ROBO1: variants seen among roughly 807,000 people sequenced by gnomAD.
The protein encoded by ROBO1 is roundabout guidance receptor 1.
A neutral mutation model predicts 195.9 loss-of-function variants in ROBO1; 149 were observed. The observed-to-expected ratio is 0.76, with a 90% CI of 0.67 to 0.87. The LOEUF (loss-of-function observed/expected upper bound fraction) is 0.87, where lower values mean the gene tolerates loss of function less well. ROBO1 is among the 40% of genes least tolerant of loss of function. The pLI, the probability that ROBO1 is intolerant of heterozygous loss-of-function variation, is 0.00. For missense variants in ROBO1, 1,933 were observed against 2,068.3 expected, an observed-to-expected ratio of 0.93 and a Z score of 1.27; for synonymous variants, 816 against 733.2, an observed-to-expected ratio of 1.11 and a Z score of -1.82.
At chr3:78,605,691 G>A (rs1296990677) in intron 29 of ROBO1, among the ~76,000 whole-genome samples, 1 of 151,936 alleles carries the variant, frequency 6.6e-6, no homozygotes, top group Non-Finnish European at 1.5e-5. Context: ...TGTTCTTGTT[G>A]GCATTTTAAT....
chr3:79,262,497 A>G (rs1266537946), intron 2 of ROBO1, among the ~76,000 whole-genome samples: 2 of 152,050 alleles, frequency 1.3e-5, no homozygotes, highest in East Asian at 3.9e-4. Flanking sequence ...TTTTGATACT[A>G]TCTGTTACTG....
chr3:79,703,065 A>G (rs1433375181), intron 1 of ROBO1, among the ~76,000 whole-genome samples: 1 of 151,968 alleles, frequency 6.6e-6, no homozygotes, highest in East Asian at 1.9e-4. Context: ...AGAAAAGAAG[A>G]GAAAACAGAA....
chr3:78,617,606 C>T, intron 27 of ROBO1, 29 bp downstream of exon 27: 2 of 1,564,238 alleles, frequency 1.3e-6, no homozygotes, highest in Non-Finnish European at 1.7e-6. Context: ...GTTTTCTTTC[C>T]CAGCTTGGTG....
chr3:78,961,176 C>T (rs1288789185), intron 3 of ROBO1, among the ~76,000 whole-genome samples: 3 of 152,002 alleles, frequency 2.0e-5, no homozygotes, highest in Non-Finnish European at 4.4e-5. Context: ...GATATTTATC[C>T]CTCTTTGCAA....
chr3:79,006,562 T>C (rs548490600), intron 3 of ROBO1, among the ~76,000 whole-genome samples: 4 of 152,066 alleles, frequency 2.6e-5, no homozygotes, highest in African/African-American at 4.8e-5. Context: ...GGTTAGGAAA[T>C]TGTATTTAAA....
In ROBO1 at chr3:79,398,182, A is replaced by G. The variant is rs182831367; in HGVS notation, c.88+191642T>C. Among the ~76,000 whole-genome samples the G allele has an allele frequency of 2.9e-3, 436 of 152,258 alleles. 2 individuals carry two copies. The highest frequency in any genetic ancestry group is 9.1e-3 in the African/African-American group (378 of 41,556). The stretch of plus-strand genomic sequence containing the variant: ...TGATTCTTATTCTGGTTTGGTCTCA[A>G]CACACCCTTATATTGCATTCTTTGT... On this transcript the variant is annotated intron_variant, in intron 2 of 30. Transcript: ENST00000464233.
intron 3 of ROBO1, among the ~76,000 whole-genome samples, chr3:78,962,258 T>C (rs1358272242): frequency 1.3e-5 from 2 of 152,212 alleles, no homozygotes; most frequent in African/African-American, 2.4e-5. Context: ...TCAAAGTGCC[T>C]GTGAATCTTG....
At chr3:79,365,992 T>A (rs1334586460) in intron 2 of ROBO1, among the ~76,000 whole-genome samples, 6 of 151,372 alleles carry the variant, frequency 4.0e-5, no homozygotes, top group African/African-American at 1.5e-4. Context: ...GGACAGGGAG[T>A]TTTTGGTTAT....
intron 3 of ROBO1, among the ~76,000 whole-genome samples, chr3:79,108,954 T>G (rs780226617): frequency 6.6e-6 from 1 of 151,948 alleles, no homozygotes; most frequent in Non-Finnish European, 1.5e-5. Flanking sequence ...AATCAAATAA[T>G]AAGTATTTTA....
intron 4 of ROBO1, among the ~76,000 whole-genome samples, chr3:78,887,330 A>G (rs1307674352): frequency 6.6e-6 from 1 of 152,192 alleles, no homozygotes; most frequent in African/African-American, 2.4e-5. Context: ...GATGAAATCC[A>G]TTACTAGCCT....
chr3:79,602,231 T>G (rs1034369550), intron 1 of ROBO1, among the ~76,000 whole-genome samples: 2 of 151,974 alleles, frequency 1.3e-5, no homozygotes, highest in African/African-American at 4.8e-5. Context: ...AATGCTATAG[T>G]AAGAGAGACA....
chr3:79,126,601 A>T (rs1466352621), intron 2 of ROBO1, among the ~76,000 whole-genome samples: 2 of 152,250 alleles, frequency 1.3e-5, no homozygotes, highest in African/African-American at 4.8e-5. Context: ...AATAATGTAG[A>T]GCCATAGGTC....
chr3:79,745,804 T>C (rs1365104523), intron 1 of ROBO1, among the ~76,000 whole-genome samples: 2 of 152,162 alleles, frequency 1.3e-5, no homozygotes, highest in Non-Finnish European at 2.9e-5. Context: ...TAAAACTATA[T>C]ATGTATACAA....
At chr3:79,295,925 C>A (rs920461760) in intron 2 of ROBO1, among the ~76,000 whole-genome samples, 1 of 151,940 alleles carries the variant, frequency 6.6e-6, no homozygotes, top group Non-Finnish European at 1.5e-5. Context: ...ATTTAGATAA[C>A]GGTGAAACTA....
chr3:79,728,974 A>G (rs930948801), intron 1 of ROBO1, among the ~76,000 whole-genome samples: 1 of 152,180 alleles, frequency 6.6e-6, no homozygotes, highest in Non-Finnish European at 1.5e-5. Flanking sequence ...TCTAAAGTAC[A>G]TAAGAAATAT....
At chr3:79,494,834 C>T (rs1939645016) in intron 2 of ROBO1, among the ~76,000 whole-genome samples, 1 of 152,142 alleles carries the variant, frequency 6.6e-6, no homozygotes, top group Admixed American at 6.5e-5. Flanking sequence ...AAAACTGATG[C>T]AAAATGATCA....
chr3:78,945,460 T>C (rs1437310094), intron 3 of ROBO1, among the ~76,000 whole-genome samples: 1 of 152,196 alleles, frequency 6.6e-6, no homozygotes, highest in South Asian at 2.1e-4. Context: ...CTGAGGGTCC[T>C]GTCTGTTAGA....
Position 79,165,734 on chromosome 3 carries a change from A to G in ROBO1, c.89-40195T>C, listed in dbSNP as rs1032821230. ...GCACCAGACCAGATACACATATCAC[A>G]TAATCTATCGTGATGGTTCTTTTGA... On this transcript the variant is annotated intron_variant, in intron 2 of 30. Coordinates refer to ENST00000464233, the MANE Select transcript of ROBO1 (RefSeq NM_002941.4). 3.9e-5 allele frequency among the ~76,000 whole-genome samples: 6 copies of G among 152,198 alleles called. No homozygotes were observed. In the South Asian group the frequency reaches 1.2e-3, roughly 31 times the overall value.
intron 10 of ROBO1, among the ~76,000 whole-genome samples, chr3:78,672,510 T>C (rs1197248512): frequency 1.3e-5 from 2 of 148,978 alleles, no homozygotes; most frequent in African/African-American, 2.5e-5. Context: ...GAGGATCACA[T>C]GAGCCCAGGA....
Sources: allele counts gnomAD v4.1 joint callset (sites outside exome capture counted in the v4.1 genomes callset), GRCh38; gene constraint gnomAD v4.1.1; transcripts MANE v1.5; gene names NCBI Gene and HGNC (gene_info 2026-07-23, HGNC 2026-07-21).